The following HARBI1 variants were observed in gnomAD, a reference collection of about 807,000 sequenced individuals.
HARBI1 encodes the protein harbinger transposase derived 1, also known as putative nuclease HARBI1.
Under a neutral mutation model 25.3 loss-of-function variants are expected in HARBI1, and 15 were observed. The ratio of observed to expected loss-of-function variants is 0.59; its 90% CI spans 0.40 to 0.91. The LOEUF (loss-of-function observed/expected upper bound fraction) is 0.91, where lower values mean the gene tolerates loss of function less well. HARBI1 is among the 40% of genes least tolerant of loss of function. The probability of loss-of-function intolerance (pLI) is 0.00; values close to 1 mark genes in which losing one functional copy is unlikely to be tolerated. For missense variants in HARBI1, 396 were observed against 445.8 expected (o/e 0.89, Z 1.01); for synonymous variants, 168 against 160.5 (o/e 1.05, Z -0.35).
chr11:46,616,668 GTCGGCTTCTAACTATA>G (rs1165977333), intron 1 of HARBI1: 1 of 999,740 alleles, frequency 1.0e-6, no homozygotes, highest in African/African-American at 1.7e-5. Flanking sequence ...GGTAAAAGAG[GTCGGCTTCTAACTATA>G]TAGGCCAAGA....
chr11:46,612,061 T>C (rs2045203057), intron 2 of HARBI1, among the ~76,000 whole-genome samples: 1 of 152,164 alleles, frequency 6.6e-6, no homozygotes, highest in Non-Finnish European at 1.5e-5. Flanking sequence ...CACAGGAGGT[T>C]TCTCTTTAAA....
At chr11:46,613,130 C>T (rs1304237754) in intron 2 of HARBI1, among the ~76,000 whole-genome samples, 2 of 151,804 alleles carry the variant, frequency 1.3e-5, no homozygotes, top group Non-Finnish European at 2.9e-5. Flanking sequence ...CAGGCATGCG[C>T]CACCATGTCC....
intron 2 of HARBI1, among the ~76,000 whole-genome samples, chr11:46,609,206 G>A (rs1433213119): frequency 6.6e-6 from 1 of 151,986 alleles, no homozygotes; most frequent in Admixed American, 6.6e-5. Context: ...TTTAGCACCT[G>A]GCTAAAATTA....
chr11:46,612,778 C>T (rs975706402), intron 2 of HARBI1, among the ~76,000 whole-genome samples: 3 of 149,912 alleles, frequency 2.0e-5, no homozygotes, highest in Non-Finnish European at 4.4e-5. Context: ...TCAAGCAATT[C>T]GCCTGCCTCA....
intron 1 of HARBI1, 160 bp from the exon 2 acceptor site, chr11:46,616,541 C>G: frequency 8.8e-7 from 1 of 1,135,018 alleles, no homozygotes; most frequent in Non-Finnish European, 1.1e-6. Flanking sequence ...GGCTGCACGA[C>G]AGGCTTGCTC....
intron 2 of HARBI1, chr11:46,604,418 A>G: frequency 3.3e-6 from 3 of 922,942 alleles, no homozygotes; most frequent in Non-Finnish European, 3.9e-6. Flanking sequence ...ATAAAATAAA[A>G]TTCCTGCATT....
chr11:46,615,656 G>A lies in HARBI1; in HGVS notation c.582C>T (p.Pro194=), dbSNP rs147076911. The change falls in exon 2 of 3, where the codon CCC becomes CCT. Residue 194 remains proline, a synonymous_variant. Transcript: ENST00000326737. ...GCACAGCACAGTCCTGTAGGCTGCCGGGCCAGTTTGTCTCCACGGTCATTA... is the reference window on the plus strand; with the variant it reads ...GCACAGCACAGTCCTGTAGGCTGCCAGGCCAGTTTGTCTCCACGGTCATTA... The part of the protein sequence containing the change: ...GTLMTVETNW[P]GSLQDCAVLQ... 39 of 1,614,148 alleles carry A rather than the reference G, an allele frequency of 2.4e-5. No homozygotes were observed. Among genetic ancestry groups the A allele is most frequent in the South Asian group, 5.5e-5 (5 of 91,076 alleles).
intron 1 of HARBI1, chr11:46,616,716 C>A (rs1269588324): frequency 3.0e-6 from 3 of 989,770 alleles, no homozygotes; most frequent in African/African-American, 3.5e-5. Flanking sequence ...TATGTCATAA[C>A]CACCTTGGGT....
In HARBI1 at chr11:46,617,213, G is replaced by A. The variant is rs1158229604; in HGVS notation, c.-234C>T. ...CGGAACCGGCGACTGCACAGAGGCC[G>A]CCACGGCGCGCAACAGCGGCACCGC... is the stretch of plus-strand genomic sequence containing the variant. On this transcript the variant is annotated 5_prime_UTR_variant, in exon 1 of 3. Transcript: ENST00000326737. The A allele has an allele frequency of 1.2e-5, 2 of 161,592 alleles. No individual in the cohort carries two copies. The highest frequency in any genetic ancestry group is 2.6e-5 in the Non-Finnish European group (2 of 76,580). The allele number at this position is 161,592 out of a possible 1,614,324, so 10.0% of individuals were successfully genotyped here.
chr11:46,604,494 G>A (rs1284192033), intron 2 of HARBI1: 2 of 973,556 alleles, frequency 2.1e-6, no homozygotes, highest in Middle Eastern at 5.3e-4. Flanking sequence ...CAAATAGCAT[G>A]CCAATCTTCA....
At chr11:46,616,657 A>G in intron 1 of HARBI1, 3 of 1,003,316 alleles carry the variant, frequency 3.0e-6, no homozygotes, top group Non-Finnish European at 3.6e-6. Flanking sequence ...ATTATTCACA[A>G]GGTAAAAGAG....
At chr11:46,613,424 T>C (rs192644576) in intron 2 of HARBI1, among the ~76,000 whole-genome samples, 177 of 152,204 alleles carry the variant, frequency 1.2e-3, no homozygotes, top group Non-Finnish European at 2.1e-3. Context: ...TAAGGCTCAA[T>C]TGTATGGATG....
At chr11:46,609,667 C>G (rs2045096884) in intron 2 of HARBI1, among the ~76,000 whole-genome samples, 3 of 151,844 alleles carry the variant, frequency 2.0e-5, no homozygotes, top group Admixed American at 2.0e-4. Context: ...TCCAAGATTT[C>G]TTCATGCCTC....
At chr11:46,612,669 A>ATT (rs1278987927) in intron 2 of HARBI1, among the ~76,000 whole-genome samples, 12 of 139,966 alleles carry the variant, frequency 8.6e-5, no homozygotes, top group Non-Finnish European at 7.9e-5. Context: ...TGCAAAAATA[A>ATT]TTTTTTTTTT....
rs532423631 is a variant in HARBI1, at chr11:46,610,006, C to A, written c.670+5562G>T. On this transcript the variant is annotated intron_variant, in intron 2 of 2. Transcript: ENST00000326737. ...TAGCTAGGACTACAAGTGCCCACCA[C>A]CATGCCTGGGTAATTTTTGTATTTT... Among the ~76,000 whole-genome samples the A allele has an allele frequency of 6.6e-5, 10 of 151,898 alleles. 1 individual carries two copies. The East Asian group carries it at 1.8e-3, about 27-fold the overall frequency.
chr11:46,610,603 T>C lies in HARBI1; in HGVS notation c.670+4965A>G, dbSNP rs190191970. ...TGAACCCGGGAGGCGGAGCTTGCAG[T>C]GAGCCGAGATCGCACCACTGCACTC... is the stretch of plus-strand genomic sequence containing the variant. On this transcript the variant is annotated intron_variant, in intron 2 of 2. Transcript: ENST00000326737. Among the ~76,000 whole-genome samples, 961 of 152,088 alleles carry C rather than the reference T, an allele frequency of 6.3e-3. 14 individuals carry two copies. Among genetic ancestry groups the C allele is most frequent in the African/African-American group, 0.022 (928 of 41,510 alleles).
At chr11:46,617,704 T>C, upstream of HARBI1, 1 of 397,242 alleles carries the variant, frequency 2.5e-6, no homozygotes, top group Non-Finnish European at 4.4e-6. Flanking sequence ...CGCGGAGTCT[T>C]AGGAGCAAAA....
chr11:46,610,245 A>G (rs1220736068), intron 2 of HARBI1, among the ~76,000 whole-genome samples: 1 of 152,070 alleles, frequency 6.6e-6, no homozygotes, highest in African/African-American at 2.4e-5. Context: ...AATTGAGCCC[A>G]GGAGGTCAAG....
Position 46,615,555 on chromosome 11 carries a change from C to A in HARBI1, c.670+13G>T, listed in dbSNP as rs1298313975. 1 of 1,608,360 alleles carries A rather than the reference C, an allele frequency of 6.2e-7. No individual in the cohort carries two copies. The highest frequency in any genetic ancestry group is 1.3e-5 in the African/African-American group (1 of 74,766). On this transcript the variant is annotated intron_variant, in intron 2 of 2. Transcript: ENST00000326737. The stretch of plus-strand genomic sequence containing the variant: ...CCTCCAAACAAAATGAAAATTCACA[C>A]TTGCAAACTTACCCAGAAGCCAGCT...
Sources: gnomAD v4.1 joint callset for allele counts (sites outside exome capture counted in the v4.1 genomes callset) on GRCh38, gnomAD v4.1.1 for gene constraint, MANE v1.5 for transcripts, NCBI Gene and HGNC (gene_info 2026-07-23, HGNC 2026-07-21) for gene names.